The following ARL14EPL variants were observed in gnomAD, a reference collection of about 807,000 sequenced individuals.
The protein encoded by ARL14EPL is ARL14 effector protein-like.
Under a neutral mutation model 15.9 loss-of-function variants are expected in ARL14EPL, and 17 were observed. The ratio of observed to expected loss-of-function variants is 1.07; its 90% CI spans 0.73 to 1.60. ARL14EPL has a LOEUF of 1.60. Among genes scored for constraint, ARL14EPL ranks in the 40% most tolerant of loss-of-function variants. ARL14EPL has a pLI of 0.00. For synonymous variants in ARL14EPL, 78 were observed against 63.8 expected (o/e 1.22, Z -1.06); for missense variants, 214 against 185.9 (o/e 1.15, Z -0.88).
chr5:116,051,548 G>C lies in ARL14EPL; in HGVS notation c.83G>C (p.Gly28Ala), dbSNP rs1200951657. The C allele has an allele frequency of 6.5e-7, 1 of 1,532,682 alleles. No individual in the cohort carries two copies. Among genetic ancestry groups the C allele is most frequent in the Non-Finnish European group, 8.7e-7 (1 of 1,143,796 alleles). 94.9% of individuals were successfully genotyped at this position (1,532,682 alleles called of 1,614,324 possible). A position where few individuals can be genotyped will look rare whatever the true frequency, so the allele number is the denominator to read the frequency against. ...TTTCCTGAGAAGAACTGTCAAATTGGACAGAAACAACTGGTATGGCACACA... is the reference window on the plus strand; with the variant it reads ...TTTCCTGAGAAGAACTGTCAAATTGCACAGAAACAACTGGTATGGCACACA... ...HSFPEKNCQI[G>A]QKQLQQIERQ... The change falls in exon 2 of 4, where the codon GGA becomes GCA. Residue 28 changes from glycine (G) to alanine (A), a missense_variant. By Grantham distance (60) the Gly-to-Ala change is moderately conservative. Transcript: ENST00000686077.
At chr5:116,050,377 C>T (rs1462463894) in intron 1 of ARL14EPL, among the ~76,000 whole-genome samples, 1 of 152,190 alleles carries the variant, frequency 6.6e-6, no homozygotes, top group African/African-American at 2.4e-5. Flanking sequence ...TTGTTCACTT[C>T]AGATAATGGC....
chr5:116,051,740 G>C (rs749434759), intron 2 of ARL14EPL, among the ~76,000 whole-genome samples, 179 bp downstream of exon 2: 2 of 152,128 alleles, frequency 1.3e-5, no homozygotes, highest in Non-Finnish European at 2.9e-5. Flanking sequence ...GGCTGCTCTC[G>C]CCTCACACAT....
At chr5:116,052,352 T>A in intron 2 of ARL14EPL, 1 of 850,986 alleles carries the variant, frequency 1.2e-6, no homozygotes, top group South Asian at 1.4e-5. Context: ...AAGCTACAAA[T>A]GTTTTTATTT....
At chr5:116,041,501 A>G (rs900842882) in intron 1 of ARL14EPL, among the ~76,000 whole-genome samples, 1 of 152,100 alleles carries the variant, frequency 6.6e-6, no homozygotes, top group African/African-American at 2.4e-5. Context: ...GAAATTGCAT[A>G]ACTCTGCTTA....
In ARL14EPL at chr5:116,054,192, T is replaced by A. The variant is rs1049721653; in HGVS notation, c.236+39T>A. ...TTATTGTATTTGATCTGTGGGATTA[T>A]GAAATGCATGAATTCTCCTTGACAA... On this transcript the variant is annotated intron_variant, in intron 3 of 3. Coordinates refer to ENST00000686077, the MANE Select transcript of ARL14EPL (RefSeq NM_001195581.2). 1.1e-5 allele frequency: 16 copies of A among 1,496,348 alleles called. No homozygotes were observed. In the African/African-American group the frequency reaches 2.1e-4, roughly 20 times the overall value. 92.7% of individuals were successfully genotyped at this position (1,496,348 alleles called of 1,614,324 possible).
chr5:116,040,915 G>T (rs963893463), intron 1 of ARL14EPL, among the ~76,000 whole-genome samples: 1 of 128,964 alleles, frequency 7.8e-6, no homozygotes. Context: ...CAGAGGTGGA[G>T]CTTGCAGTGA....
chr5:116,049,751 A>G (rs1174174605), intron 1 of ARL14EPL, among the ~76,000 whole-genome samples: 1 of 152,228 alleles, frequency 6.6e-6, no homozygotes, highest in Non-Finnish European at 1.5e-5. Flanking sequence ...AGAGGGCAGT[A>G]AGAAACTCCA....
chr5:116,050,780 A>ATCTCTCTCTCTC (rs141191776), intron 1 of ARL14EPL, among the ~76,000 whole-genome samples: 116 of 128,852 alleles, frequency 9.0e-4, no homozygotes, highest in African/African-American at 2.5e-3. Flanking sequence ...TATGGGCTCC[A>ATCTCTCTCTCTC]TCTCTCTCTC....
intron 1 of ARL14EPL, among the ~76,000 whole-genome samples, chr5:116,041,976 G>T (rs1481313260): frequency 6.6e-6 from 1 of 152,088 alleles, no homozygotes; most frequent in African/African-American, 2.4e-5. Context: ...TTACAGGCAT[G>T]AGCCACTATG....
At chr5:116,050,895 TA>T (rs1446405219) in intron 1 of ARL14EPL, among the ~76,000 whole-genome samples, 2 of 151,462 alleles carry the variant, frequency 1.3e-5, no homozygotes, top group African/African-American at 4.9e-5. Context: ...TGAAGTAATT[TA>T]GAAGAAGTAA....
chr5:116,035,755 A>T (rs559663008), intron 1 of ARL14EPL, among the ~76,000 whole-genome samples: 1 of 152,310 alleles, frequency 6.6e-6, no homozygotes, highest in East Asian at 1.9e-4. Flanking sequence ...ACTCAGAGGA[A>T]AGCCCCTTGG....
intron 1 of ARL14EPL, among the ~76,000 whole-genome samples, chr5:116,035,952 G>T (rs1337684764): frequency 6.6e-6 from 1 of 152,234 alleles, no homozygotes; most frequent in East Asian, 1.9e-4. Flanking sequence ...ACAGGAAGGA[G>T]CAAGCAAGCA....
chr5:116,054,105 A>AG lies in ARL14EPL; in HGVS notation c.189dup (p.Lys64GlufsTer9), dbSNP rs1190281570. 7 of 1,535,682 alleles carry AG rather than the reference A, an allele frequency of 4.6e-6. No individual in the cohort carries two copies. Among genetic ancestry groups the AG allele is most frequent in the Non-Finnish European group, 4.4e-6 (5 of 1,146,720 alleles). Reference sequence around the variant, plus strand: ...AATCCTGAAACAAGGCAGCAGAAAAAGAAAGCCCGGATGTCAAAGATGAAT... The same window carrying AG: ...AATCCTGAAACAAGGCAGCAGAAAAAGGAAAGCCCGGATGTCAAAGATGAAT... On this transcript the variant is annotated frameshift_variant, in exon 3 of 4. Transcript: ENST00000686077. LOFTEE classifies it high-confidence loss of function.
chr5:116,050,829 GCACA>G (rs10612147), intron 1 of ARL14EPL, among the ~76,000 whole-genome samples: 76,588 of 140,614 alleles, frequency 0.54, 20,531 homozygotes, highest in Middle Eastern at 0.65. Flanking sequence ...ACACACACAT[GCACA>G]CACACACACA....
chr5:116,042,649 T>A (rs1211298415), intron 1 of ARL14EPL, among the ~76,000 whole-genome samples: 2 of 152,190 alleles, frequency 1.3e-5, no homozygotes, highest in Non-Finnish European at 2.9e-5. Context: ...GAGAGCTTGT[T>A]CAGTAAGTGC....
intron 2 of ARL14EPL, 67 bp downstream of exon 2, chr5:116,051,628 C>A: frequency 1.5e-6 from 2 of 1,325,126 alleles, no homozygotes; most frequent in South Asian, 1.3e-5. Flanking sequence ...TCTGAGATGC[C>A]CATGGATGTG....
intron 1 of ARL14EPL, among the ~76,000 whole-genome samples, chr5:116,041,248 A>G (rs1749151582): frequency 6.6e-6 from 1 of 152,082 alleles, no homozygotes; most frequent in Admixed American, 6.6e-5. Flanking sequence ...CTTTTGGCAA[A>G]CGTATAATGG....
At chr5:116,043,623 A>C (rs2112671435) in intron 1 of ARL14EPL, among the ~76,000 whole-genome samples, 1 of 152,292 alleles carries the variant, frequency 6.6e-6, no homozygotes, top group African/African-American at 2.4e-5. Context: ...AAACTTGTAA[A>C]TAATACAGGA....
chr5:116,034,746 C>CCT (rs1464150698), intron 1 of ARL14EPL, among the ~76,000 whole-genome samples: 8 of 152,104 alleles, frequency 5.3e-5, no homozygotes, highest in African/African-American at 1.9e-4. Flanking sequence ...CCCTATGAGG[C>CCT]AGTGTGTCCA....
Sources: gnomAD v4.1 joint callset for allele counts (sites outside exome capture counted in the v4.1 genomes callset) on GRCh38, gnomAD v4.1.1 for gene constraint, MANE v1.5 for transcripts, NCBI Gene and HGNC (gene_info 2026-07-23, HGNC 2026-07-21) for gene names.